Variants in MCM3AP observed in about 807,000 individuals in gnomAD.
MCM3AP encodes germinal-center associated nuclear protein.
A neutral mutation model predicts 184.1 loss-of-function variants in MCM3AP; 126 were observed. The ratio of observed to expected loss-of-function variants is 0.68; its 90% CI spans 0.59 to 0.79. The LOEUF (loss-of-function observed/expected upper bound fraction) is 0.79. Ranked by LOEUF, MCM3AP falls within the 30% of genes least tolerant of loss-of-function variation. The pLI is 0.00. For missense variants in MCM3AP, 2,496 were observed against 2,479.2 expected (o/e 1.01, Z -0.14); for synonymous variants, 1,002 against 979.3 (o/e 1.02, Z -0.43).
rs370454648 is a variant in MCM3AP, at chr21:46,280,524, C to T, written c.1495G>A (p.Ala499Thr). 69 of 1,612,220 alleles carry T rather than the reference C, an allele frequency of 4.3e-5. No homozygotes were observed. The highest frequency in any genetic ancestry group is 1.1e-4 in the East Asian group (5 of 44,870). ...KKGKSLHKDM[A>T]IFWHRKKISP... ...ATTTTCTTCCTGTGCCAAAAGATAGCCATGTCTTTATGCAAACTTTTCCCC... is the reference window on the plus strand; with the variant it reads ...ATTTTCTTCCTGTGCCAAAAGATAGTCATGTCTTTATGCAAACTTTTCCCC... The change falls in exon 3 of 28, where the codon GCT (alanine) becomes ACT (threonine). Residue 499 changes from alanine (A) to threonine (T), a missense_variant. Ala to Thr is a moderately conservative substitution (Grantham distance 58, BLOSUM62 0). Transcript: ENST00000291688.
intron 11 of MCM3AP, 42 bp from the exon 12 acceptor site, chr21:46,265,565 G>C (rs1356097923): frequency 2.7e-6 from 4 of 1,474,296 alleles, no homozygotes; most frequent in Non-Finnish European, 3.7e-6. Context: ...TGCAGACACA[G>C]GGTGCCTGGC....
chr21:46,254,194 G>C, intron 19 of MCM3AP, 198 bp downstream of exon 19: 1 of 621,470 alleles, frequency 1.6e-6, no homozygotes, highest in African/African-American at 1.8e-5. Flanking sequence ...CAAGTTTATG[G>C]AATAAAAATT....
At position 46,283,914 on chromosome 21, in the gene MCM3AP, A is replaced by G. The variant is rs560231952; in HGVS notation, c.1220-76T>C. ...GGAGGCACCAACTGTGTCGAAGCAG[A>G]GGAAATTTTCAGATGTAAGACCTGC... On this transcript the variant is annotated intron_variant, in intron 1 of 27. Transcript: ENST00000291688. The G allele has an allele frequency of 9.0e-6, 14 of 1,550,014 alleles. 1 individual carries two copies. Among genetic ancestry groups the G allele is most frequent in the African/African-American group, 6.8e-5 (5 of 73,166 alleles).
chr21:46,261,803 C>T (rs2081045814), intron 13 of MCM3AP, among the ~76,000 whole-genome samples: 1 of 150,150 alleles, frequency 6.7e-6, no homozygotes, highest in Non-Finnish European at 1.5e-5. Context: ...AAAAAACACA[C>T]AGGTTGAGTG....
intron 6 of MCM3AP, among the ~76,000 whole-genome samples, chr21:46,274,387 G>A (rs2081227886): frequency 6.6e-6 from 1 of 152,154 alleles, no homozygotes; most frequent in Admixed American, 6.5e-5. Context: ...TTACATACAA[G>A]ATGCCAAACA....
At chr21:46,258,877 G>A (rs1228059343) in intron 16 of MCM3AP, 62 bp downstream of exon 16, 2 of 1,571,924 alleles carry the variant, frequency 1.3e-6, no homozygotes, top group Non-Finnish European at 8.7e-7. Flanking sequence ...CATATATTTT[G>A]AATTTGTTAA....
rs984774358 is a variant in MCM3AP at position 46,240,920 on chromosome 21, C to G, written c.5524G>C (p.Glu1842Gln). 2.5e-6 allele frequency: 4 copies of G among 1,614,034 alleles called. No individual in the cohort carries two copies. In the African/African-American group the frequency reaches 4.0e-5, roughly 16 times the overall value. Residue 1842 changes from glutamate to glutamine, a missense_variant, in exon 26 of 28, where the codon GAG (glutamate) becomes CAG (glutamine). Glu to Gln is a conservative substitution (Grantham distance 29). Around this residue, in one of 5 missense-constraint regions of MCM3AP, gnomAD observed 1,323 missense variants for 1,273.4 expected, o/e 1.04. Transcript: ENST00000291688. ...NWKRSTECAQ[E>Q]GRIPSTEDLM... ...TCCTCTGTGCTGGGAATCCTCCCCT[C>G]TTGAGCACACTCTGTGCTCCTCTTC...
At chr21:46,246,157 C>G in intron 22 of MCM3AP, 150 bp downstream of exon 22, 7 of 602,076 alleles carry the variant, frequency 1.2e-5, no homozygotes, top group Non-Finnish European at 2.1e-5. Flanking sequence ...TTGCAGGGAG[C>G]TATCATCATG....
intron 11 of MCM3AP, 37 bp downstream of exon 11, chr21:46,265,888 C>G (rs1244866604): frequency 6.6e-7 from 1 of 1,510,686 alleles, no homozygotes; most frequent in African/African-American, 1.4e-5. Context: ...TGGGAAAATG[C>G]AGCTAGTCCC....
chr21:46,259,730 G>A (rs2081015668), intron 15 of MCM3AP, among the ~76,000 whole-genome samples: 1 of 151,938 alleles, frequency 6.6e-6, no homozygotes, highest in Admixed American at 6.6e-5. Flanking sequence ...GGCTAACACG[G>A]TGAAACCCCG....
In MCM3AP at chr21:46,263,001, T is replaced by C. The variant is rs146623607; in HGVS notation, c.3335+1116A>G. The stretch of plus-strand genomic sequence containing the variant: ...AAAAAAAAAAAAAGAAATGGAAAAC[T>C]ACAGACCAATATCCCTCATGAATAT... On this transcript the variant is annotated intron_variant, in intron 13 of 27. Transcript: ENST00000291688. Among the ~76,000 whole-genome samples, 514 of 126,154 alleles carry C rather than the reference T, an allele frequency of 4.1e-3. 5 individuals are homozygous for C. The highest frequency in any genetic ancestry group is 0.014 in the African/African-American group (480 of 33,970). 82.8% of individuals were successfully genotyped at this position (126,154 alleles called of 152,430 possible). A position where few individuals can be genotyped will look rare whatever the true frequency, so the allele number is the denominator to read the frequency against.
chr21:46,264,734 G>A (rs1430144137), intron 12 of MCM3AP, among the ~76,000 whole-genome samples: 1 of 151,882 alleles, frequency 6.6e-6, no homozygotes, highest in Non-Finnish European at 1.5e-5. Context: ...CACAGCCAGA[G>A]ACCACACACA....
At chr21:46,244,375 C>T (rs990245786) in intron 23 of MCM3AP, among the ~76,000 whole-genome samples, 1 of 152,164 alleles carries the variant, frequency 6.6e-6, no homozygotes, top group African/African-American at 2.4e-5. Context: ...GCCTCTTTGA[C>T]AAAGAAAGAA....
chr21:46,251,363 A>ATAAT, intron 20 of MCM3AP, 166 bp downstream of exon 20: 1 of 507,126 alleles, frequency 2.0e-6, no homozygotes, highest in Non-Finnish European at 3.3e-6. Flanking sequence ...GCTTAAAAAA[A>ATAAT]TTTTTTAAAC....
At chr21:46,283,905 T>G in intron 1 of MCM3AP, 67 bp from the exon 2 acceptor site, 4 of 1,553,198 alleles carry the variant, frequency 2.6e-6, no homozygotes, top group Non-Finnish European at 3.5e-6. Flanking sequence ...ACCAACTGTG[T>G]CGAAGCAGAG....
At position 46,236,864 on chromosome 21, in the gene MCM3AP, G is replaced by T. The variant is rs372502041; in HGVS notation, c.5749C>A (p.Pro1917Thr). 6.4e-7 allele frequency: 1 copy of T among 1,562,986 alleles called. No homozygotes were observed. Among genetic ancestry groups the T allele is most frequent in the Non-Finnish European group, 8.6e-7 (1 of 1,161,276 alleles). ...TLVSLSHTIE[P>T]VMKTSVTTSP... ...GTAGTTACAGATGTTTTCATCACAGGTTCAATAGTGTGAGAAAGAGACACT... is the reference window on the plus strand; with the variant it reads ...GTAGTTACAGATGTTTTCATCACAGTTTCAATAGTGTGAGAAAGAGACACT... Residue 1917 changes from proline to threonine, a missense_variant, in exon 27 of 28, where the codon CCT (proline) becomes ACT (threonine). Transcript: ENST00000291688.
intron 4 of MCM3AP, among the ~76,000 whole-genome samples, 176 bp downstream of exon 4, chr21:46,279,817 C>T (rs900038954): frequency 7.9e-5 from 12 of 152,310 alleles, no homozygotes; most frequent in South Asian, 2.1e-4. Context: ...CACCTCCTAA[C>T]GGCCCATGCT....
chr21:46,266,014 C>G lies in MCM3AP; in HGVS notation c.2942G>C (p.Cys981Ser). ...LPPVPRHTPV[C>S]SFNSQNKYIG... ...GTACTTGTTCTGGGAGTTGAAGCTG[C>G]ACACAGGGGTATGACGAGGGACGGG... is the stretch of plus-strand genomic sequence containing the variant. The change falls in exon 11 of 28, where the codon TGC (cysteine) becomes TCC (serine). Residue 981 changes from cysteine to serine, a missense_variant. By Grantham distance (112) the Cys-to-Ser change is moderately radical. Around this residue, in one of 5 missense-constraint regions of MCM3AP, gnomAD observed 1,323 missense variants for 1,273.4 expected, o/e 1.04. Transcript: ENST00000291688. 1 of 1,610,936 alleles carries G rather than the reference C, an allele frequency of 6.2e-7. No individual in the cohort carries two copies. Among genetic ancestry groups the G allele is most frequent in the Non-Finnish European group, 8.5e-7 (1 of 1,178,476 alleles).
At chr21:46,247,036 C>T (rs763031224) in intron 20 of MCM3AP, 150 bp from the exon 21 acceptor site, 1 of 675,518 alleles carries the variant, frequency 1.5e-6, no homozygotes, top group Non-Finnish European at 2.5e-6. Context: ...GCTGGGCATA[C>T]CCTGTAGTTA....
Sources: allele counts gnomAD v4.1 joint callset (sites outside exome capture counted in the v4.1 genomes callset), GRCh38; gene constraint gnomAD v4.1.1; regional missense constraint gnomAD v4.1.1; transcripts MANE v1.5; gene names NCBI Gene and HGNC (gene_info 2026-07-23, HGNC 2026-07-21).